The following NPAS3 variants were observed in gnomAD, a reference collection of about 807,000 sequenced individuals.
NPAS3 encodes the protein neuronal PAS domain-containing protein 3.
NPAS3 carries 14 observed loss-of-function variants against 73.1 expected under a neutral mutation model. The ratio of observed to expected loss-of-function variants is 0.19; its 90% CI spans 0.13 to 0.30. The LOEUF is 0.30. Ranked by LOEUF, NPAS3 falls within the 10% of genes least tolerant of loss-of-function variation. NPAS3 has a pLI of 1.00. For synonymous variants in NPAS3, 620 were observed against 541.5 expected (o/e 1.14, Z -2.01); for missense variants, 1,096 against 1,250.0 (o/e 0.88, Z 1.86).
chr14:33,803,310 T>C (rs2063757723), downstream of NPAS3: 1 of 152,242 alleles, frequency 6.6e-6, no homozygotes, highest in South Asian at 2.1e-4. Context: ...TGTTTACTTG[T>C]GCAATGCTAA....
chr14:33,546,387 T>A (rs901939489), intron 4 of NPAS3, among the ~76,000 whole-genome samples: 1 of 152,212 alleles, frequency 6.6e-6, no homozygotes, highest in Non-Finnish European at 1.5e-5. Context: ...TGTTTAAGCC[T>A]ATGAATAATC....
At chr14:33,132,620 T>C (rs1357113848) in intron 2 of NPAS3, among the ~76,000 whole-genome samples, 1 of 151,976 alleles carries the variant, frequency 6.6e-6, no homozygotes, top group Admixed American at 6.6e-5. Context: ...AGACGGGAAG[T>C]TCAAGTGTGA....
At chr14:33,404,313 T>C (rs1339703606) in intron 4 of NPAS3, among the ~76,000 whole-genome samples, 2 of 152,050 alleles carry the variant, frequency 1.3e-5, no homozygotes, top group Non-Finnish European at 2.9e-5. Flanking sequence ...TAATGTTGAG[T>C]CATTACTCTT....
At chr14:33,444,504 GTAAC>G (rs1273569721) in intron 4 of NPAS3, among the ~76,000 whole-genome samples, 1 of 152,222 alleles carries the variant, frequency 6.6e-6, no homozygotes, top group Non-Finnish European at 1.5e-5. Flanking sequence ...ATTAAGGCCA[GTAAC>G]TAAGCAAATT....
chr14:33,069,425 C>T (rs2041403289), intron 2 of NPAS3, among the ~76,000 whole-genome samples: 1 of 152,128 alleles, frequency 6.6e-6, no homozygotes. Flanking sequence ...AAAAGGTACT[C>T]GTTAAAGGCC....
chr14:33,270,622 A>G (rs2041027199), intron 3 of NPAS3, among the ~76,000 whole-genome samples: 1 of 152,224 alleles, frequency 6.6e-6, no homozygotes, highest in African/African-American at 2.4e-5. Flanking sequence ...ATTCACCAGA[A>G]GAGGAATGAG....
In NPAS3 at chr14:33,502,539, T is replaced by C. The variant is rs57060341; in HGVS notation, c.469-57582T>C. Among the ~76,000 whole-genome samples, 671 of 152,090 alleles carry C rather than the reference T, an allele frequency of 4.4e-3. 4 individuals are homozygous for C. Among genetic ancestry groups the C allele is most frequent in the African/African-American group, 0.016 (650 of 41,550 alleles). On this transcript the variant is annotated intron_variant, in intron 4 of 11. Coordinates refer to ENST00000356141, the Ensembl canonical transcript of NPAS3. ...TTTTCTTTCTCTGCCCAAAATAAAA[T>C]GATTGCAAAGCCAAATTCTGTTCTT... is the stretch of plus-strand genomic sequence containing the variant.
At chr14:33,495,800 CTACTT>C (rs2139857745) in intron 4 of NPAS3, among the ~76,000 whole-genome samples, 1 of 152,046 alleles carries the variant, frequency 6.6e-6, no homozygotes, top group East Asian at 1.9e-4. Flanking sequence ...ATTGCAACCT[CTACTT>C]TATTTTGCTT....
At chr14:33,138,870 T>C (rs1289278875) in intron 2 of NPAS3, among the ~76,000 whole-genome samples, 1 of 152,230 alleles carries the variant, frequency 6.6e-6, no homozygotes, top group Non-Finnish European at 1.5e-5. Flanking sequence ...AGTATTTTCT[T>C]AGAATATATT....
At chr14:33,351,664 TC>T (rs999755030) in intron 3 of NPAS3, among the ~76,000 whole-genome samples, 80 of 152,348 alleles carry the variant, frequency 5.3e-4, no homozygotes, top group African/African-American at 1.9e-3. Context: ...ATCATTACAC[TC>T]CAAATCCATA....
At chr14:33,479,593 T>C (rs967895476) in intron 4 of NPAS3, among the ~76,000 whole-genome samples, 12 of 152,194 alleles carry the variant, frequency 7.9e-5, no homozygotes, top group African/African-American at 2.9e-4. Flanking sequence ...CAGCTTGTGA[T>C]CCCTAGAGGG....
At chr14:33,180,541 T>C (rs1303039771) in intron 2 of NPAS3, among the ~76,000 whole-genome samples, 1 of 152,270 alleles carries the variant, frequency 6.6e-6, no homozygotes, top group Admixed American at 6.5e-5. Flanking sequence ...GGCTCAGACC[T>C]GTAATCCCAG....
At chr14:33,474,634 G>T (rs920525241) in intron 4 of NPAS3, among the ~76,000 whole-genome samples, 1 of 152,102 alleles carries the variant, frequency 6.6e-6, no homozygotes, top group Non-Finnish European at 1.5e-5. Flanking sequence ...GAGAGAGAAT[G>T]AGAGCTCATA....
chr14:32,956,905 A>G (rs1159194214), intron 1 of NPAS3, among the ~76,000 whole-genome samples: 1 of 152,204 alleles, frequency 6.6e-6, no homozygotes, highest in Non-Finnish European at 1.5e-5. Context: ...ACACAGTTAG[A>G]AATTCTATTC....
intron 4 of NPAS3, among the ~76,000 whole-genome samples, chr14:33,557,140 T>A (rs766101432): frequency 6.6e-6 from 1 of 151,816 alleles, no homozygotes; most frequent in African/African-American, 2.4e-5. Context: ...GAAGGAAATA[T>A]CTCTCCCCTT....
intron 2 of NPAS3, among the ~76,000 whole-genome samples, chr14:33,070,053 C>A (rs961533957): frequency 3.9e-5 from 6 of 152,072 alleles, no homozygotes; most frequent in African/African-American, 1.2e-4. Flanking sequence ...TAAAAAAGAT[C>A]AATGTTTTCT....
At chr14:33,457,604 A>G (rs187771459) in intron 4 of NPAS3, among the ~76,000 whole-genome samples, 1 of 152,264 alleles carries the variant, frequency 6.6e-6, no homozygotes, top group Admixed American at 6.5e-5. Flanking sequence ...CTATTTTCCC[A>G]TCAGATTTTA....
chr14:33,284,709 A>G (rs1269897658), intron 3 of NPAS3, among the ~76,000 whole-genome samples: 2 of 152,130 alleles, frequency 1.3e-5, no homozygotes, highest in African/African-American at 4.8e-5. Flanking sequence ...GTTTATGTGT[A>G]CTTTCTATGT....
At chr14:33,317,461 T>C (rs1300611174) in intron 3 of NPAS3, among the ~76,000 whole-genome samples, 1 of 152,032 alleles carries the variant, frequency 6.6e-6, no homozygotes, top group African/African-American at 2.4e-5. Flanking sequence ...CCAAATGATA[T>C]GGTTTGGCTG....
Sources: allele counts gnomAD v4.1 joint callset (sites outside exome capture counted in the v4.1 genomes callset), GRCh38; gene constraint gnomAD v4.1.1; transcripts MANE v1.5; gene names NCBI Gene and HGNC (gene_info 2026-07-23, HGNC 2026-07-21).